ABCC5: variants seen among roughly 807,000 people sequenced by gnomAD.
ABCC5 encodes ATP-binding cassette sub-family C member 5.
ABCC5 carries 61 observed loss-of-function variants against 160.9 expected under a neutral mutation model. The ratio of observed to expected loss-of-function variants is 0.38; its 90% CI spans 0.31 to 0.47. The LOEUF is 0.47. Ranked by LOEUF, ABCC5 falls within the 20% of genes least tolerant of loss-of-function variation. The probability of loss-of-function intolerance (pLI) is 0.99; values close to 1 mark genes in which losing one functional copy is unlikely to be tolerated. For missense variants in ABCC5, 1,308 were observed against 1,813.3 expected (o/e 0.72, Z 5.06); for synonymous variants, 666 against 700.6 (o/e 0.95, Z 0.78).
chr3:183,970,527 C>T (rs568696369), intron 11 of ABCC5, among the ~76,000 whole-genome samples: 3 of 151,954 alleles, frequency 2.0e-5, no homozygotes, highest in Non-Finnish European at 2.9e-5. Context: ...TCACTGTAAC[C>T]TACACCTCCT....
chr3:183,975,183 C>A (rs998808858), intron 10 of ABCC5, among the ~76,000 whole-genome samples: 5 of 152,112 alleles, frequency 3.3e-5, no homozygotes, highest in African/African-American at 4.8e-5. Context: ...TTGAGGCAAA[C>A]TTCCTTTAAC....
Position 183,921,154 on chromosome 3 carries a change from T to G in ABCC5, c.*146A>C, listed in dbSNP as rs1160613887. The G allele has an allele frequency of 1.9e-6, 1 of 523,060 alleles. No homozygotes were observed. The highest frequency in any genetic ancestry group is 2.0e-5 in the African/African-American group (1 of 51,176). 32.4% of individuals were successfully genotyped at this position (523,060 alleles called of 1,614,324 possible). On this transcript the variant is annotated 3_prime_UTR_variant, in exon 30 of 30. Transcript: ENST00000334444. The surrounding 1 kb of genome is among the most constrained non-coding windows in gnomAD (Gnocchi z 4.1). Reference sequence around the variant, plus strand: ...ATCAAAATATGACTCTCCCTAAAAGTGAAACACACAAGCCAATCCGGAACT... The same window carrying G: ...ATCAAAATATGACTCTCCCTAAAAGGGAAACACACAAGCCAATCCGGAACT...
chr3:184,011,809 T>C (rs1358545044), intron 2 of ABCC5, among the ~76,000 whole-genome samples: 1 of 152,188 alleles, frequency 6.6e-6, no homozygotes, highest in Non-Finnish European at 1.5e-5. Context: ...AAAGGTTATA[T>C]ACTATATGAT....
chr3:184,003,492 TA>T (rs1720920182), intron 2 of ABCC5, among the ~76,000 whole-genome samples: 1 of 152,002 alleles, frequency 6.6e-6, no homozygotes, highest in Non-Finnish European at 1.5e-5. Flanking sequence ...ACCCAACCTA[TA>T]TGGGGAAGAA....
chr3:183,924,175 C>CT (rs1712293115), intron 29 of ABCC5, among the ~76,000 whole-genome samples: 2 of 152,134 alleles, frequency 1.3e-5, no homozygotes, highest in African/African-American at 4.8e-5. Context: ...TGTGCCACCA[C>CT]TCCTGGCTAA....
chr3:183,965,519 A>G lies in ABCC5; in HGVS notation c.1834-18T>C. ...AGCGTCATCTAGGGAGAGAGACACC[A>G]TCCAATGGCATCATAACTCAAAACC... On this transcript the variant is annotated intron_variant, in intron 12 of 29. Coordinates refer to ENST00000334444, the MANE Select transcript of ABCC5 (RefSeq NM_005688.4). 6.2e-7 allele frequency: 1 copy of G among 1,613,412 alleles called. No individual in the cohort carries two copies.
intron 10 of ABCC5, among the ~76,000 whole-genome samples, chr3:183,975,490 C>T (rs1034548039): frequency 6.6e-6 from 1 of 151,840 alleles, no homozygotes; most frequent in Non-Finnish European, 1.5e-5. Context: ...TACAGGCACA[C>T]ACCACCACAC....
At position 183,983,164 on chromosome 3, in the gene ABCC5, G is replaced by A. The variant is rs1362490151; in HGVS notation, c.592-157C>T. On this transcript the variant is annotated intron_variant, in intron 5 of 29. Coordinates refer to ENST00000334444, the MANE Select transcript of ABCC5 (RefSeq NM_005688.4). ...AAGACCCAATTATTACAAGCTGCCT[G>A]CAGTAACTTACTCAGGGCATTCTGC... Among the ~76,000 whole-genome samples the A allele has an allele frequency of 4.6e-5, 7 of 152,360 alleles. No homozygotes were observed. In the East Asian group the frequency reaches 7.7e-4, roughly 17 times the overall value.
At chr3:183,996,265 C>T (rs190336373) in intron 2 of ABCC5, among the ~76,000 whole-genome samples, 196 of 152,210 alleles carry the variant, frequency 1.3e-3, no homozygotes, top group Non-Finnish European at 2.5e-3. Context: ...AATAACTTAC[C>T]GAGTGCCTCC....
chr3:183,967,597 T>C, intron 12 of ABCC5, 98 bp downstream of exon 12: 1 of 1,067,510 alleles, frequency 9.4e-7, no homozygotes, highest in Non-Finnish European at 1.4e-6. Context: ...GTTCATTTGT[T>C]TCCACCTTTC....
At chr3:183,934,623 G>A (rs186345786) in intron 26 of ABCC5, among the ~76,000 whole-genome samples, 66 of 152,268 alleles carry the variant, frequency 4.3e-4, no homozygotes, top group South Asian at 1.5e-3. Context: ...ACAGGCGCAC[G>A]ATGTTCTACC....
At chr3:183,993,822 C>T (rs1719995809) in intron 2 of ABCC5, among the ~76,000 whole-genome samples, 1 of 152,128 alleles carries the variant, frequency 6.6e-6, no homozygotes, top group Admixed American at 6.6e-5. Context: ...CAACCATTGC[C>T]ACTATTTCCA....
chr3:183,941,686 G>A (rs76428049), intron 25 of ABCC5, among the ~76,000 whole-genome samples: 5 of 151,906 alleles, frequency 3.3e-5, no homozygotes, highest in African/African-American at 7.2e-5. Context: ...ATTCAGGAAC[G>A]AAAGTGAGAA....
intron 29 of ABCC5, among the ~76,000 whole-genome samples, chr3:183,924,807 G>C (rs1026356592): frequency 2.0e-5 from 3 of 152,178 alleles, no homozygotes; most frequent in African/African-American, 7.2e-5. Context: ...ATACAGTCTA[G>C]GGCGGCTGAG....
intron 2 of ABCC5, among the ~76,000 whole-genome samples, chr3:184,013,925 T>C: frequency 6.6e-6 from 1 of 152,114 alleles, no homozygotes; most frequent in African/African-American, 2.4e-5. Context: ...CAGGCTGGAG[T>C]GCAGTGGCAT....
chr3:183,962,476 C>T (rs1450590656), intron 15 of ABCC5, among the ~76,000 whole-genome samples: 1 of 151,886 alleles, frequency 6.6e-6, no homozygotes, highest in Non-Finnish European at 1.5e-5. Context: ...GAGAACCCCA[C>T]TTCAGTGTAT....
At chr3:183,934,987 A>G (rs1046863672) in intron 26 of ABCC5, among the ~76,000 whole-genome samples, 4 of 152,258 alleles carry the variant, frequency 2.6e-5, no homozygotes, top group Non-Finnish European at 4.4e-5. Context: ...GATGATTTAA[A>G]AAACTAGTTC....
chr3:184,001,470 A>G (rs1290693126), intron 2 of ABCC5, among the ~76,000 whole-genome samples: 4 of 152,196 alleles, frequency 2.6e-5, no homozygotes, highest in African/African-American at 9.6e-5. Flanking sequence ...CTTAATAGCC[A>G]CAATAGTACT....
Position 183,987,834 on chromosome 3 carries a change from C to T in ABCC5, c.527G>A (p.Arg176His), listed in dbSNP as rs781370625. The change falls in exon 5 of 30, where the codon CGC (arginine) becomes CAC (histidine). Residue 176 changes from arginine to histidine, a missense_variant. By Grantham distance (29) the Arg-to-His change is conservative. This residue lies in a region of ABCC5 where 1,142 missense variants were observed against 1,527.1 expected (regional missense o/e 0.75). Transcript: ENST00000334444. The surrounding 1 kb of genome is among the most constrained non-coding windows in gnomAD (Gnocchi z 4.2). ...CACGATGGACAGGATGAGCCTGGTG[C>T]GGCAGAAGATCCACACAACCCTTCG... Reference protein sequence around the residue: ...SLRRVVWIFCRTRLILSIVCL... With the variant: ...SLRRVVWIFCHTRLILSIVCL... The T allele has an allele frequency of 1.4e-5, 22 of 1,613,800 alleles. No homozygotes were observed. The highest frequency in any genetic ancestry group is 1.7e-5 in the Non-Finnish European group (20 of 1,179,964).
Sources: gnomAD v4.1 joint callset for allele counts (sites outside exome capture counted in the v4.1 genomes callset) on GRCh38, gnomAD v4.1.1 for gene constraint, gnomAD v4.1.1 regional missense constraint, Gnocchi (gnomAD v3.1) non-coding constraint, MANE v1.5 for transcripts, NCBI Gene and HGNC (gene_info 2026-07-23, HGNC 2026-07-21) for gene names.